The following CBLB variants were observed in gnomAD, a reference collection of about 807,000 sequenced individuals.
CBLB encodes Cbl proto-oncogene B.
In CBLB, 31 loss-of-function variants were observed where a neutral mutation model predicts 104.9. The ratio of observed to expected loss-of-function variants is 0.30; its 90% confidence interval spans 0.22 to 0.40. The LOEUF is 0.40. Ranked by LOEUF, CBLB falls within the 10% of genes least tolerant of loss-of-function variation. The pLI is 1.00. For missense variants in CBLB, 1,062 were observed against 1,214.6 expected (o/e 0.87, Z 1.87); for synonymous variants, 440 against 422.6 (o/e 1.04, Z -0.51).
intron 3 of CBLB, among the ~76,000 whole-genome samples, chr3:105,818,666 G>T (rs538906985): frequency 1.3e-5 from 2 of 152,050 alleles, no homozygotes; most frequent in Non-Finnish European, 2.9e-5. Flanking sequence ...TAATGCAAAT[G>T]CTGTTTACGT....
intron 9 of CBLB, among the ~76,000 whole-genome samples, chr3:105,727,981 C>T (rs1299003219): frequency 6.6e-6 from 1 of 152,148 alleles, no homozygotes; most frequent in East Asian, 1.9e-4. Context: ...TAGCGTGATG[C>T]CTCCAGCTTT....
chr3:105,710,879 CAT>C (rs1327556055), intron 10 of CBLB, among the ~76,000 whole-genome samples: 1 of 151,916 alleles, frequency 6.6e-6, no homozygotes, highest in African/African-American at 2.4e-5. Context: ...GAGAAATCCA[CAT>C]GTTCAATCTT....
intron 3 of CBLB, among the ~76,000 whole-genome samples, chr3:105,784,859 T>C (rs1333668665): frequency 6.6e-6 from 1 of 152,230 alleles, no homozygotes; most frequent in East Asian, 1.9e-4. Context: ...ACACTACTTC[T>C]GTTTTCTCCC....
In CBLB at chr3:105,658,898, T is replaced by A. The variant is rs987694567; in HGVS notation, c.*72A>T. On this transcript the variant is annotated 3_prime_UTR_variant, in exon 19 of 19. Coordinates refer to ENST00000394030, the MANE Select transcript of CBLB (RefSeq NM_170662.5). ...AGACACTTCTCTCTTGAATTCCATC[T>A]CAGTTCTCTTTATTTCCACACTCTT... 3.9e-6 allele frequency: 6 copies of A among 1,523,014 alleles called. 1 individual carries two copies. In the Admixed American group the frequency reaches 1.0e-4, roughly 26 times the overall value. 94.3% of individuals were successfully genotyped at this position (1,523,014 alleles called of 1,614,324 possible).
chr3:105,852,960 G>A (rs1391226669), intron 3 of CBLB, among the ~76,000 whole-genome samples: 3 of 151,902 alleles, frequency 2.0e-5, no homozygotes, highest in East Asian at 3.9e-4. Flanking sequence ...CAAGTGATCC[G>A]CCCACCTCAG....
intron 3 of CBLB, among the ~76,000 whole-genome samples, chr3:105,808,371 CTGTG>C (rs1431030921): frequency 1.3e-5 from 2 of 152,094 alleles, no homozygotes; most frequent in Non-Finnish European, 2.9e-5. Context: ...AAGGACCTGT[CTGTG>C]TATTTGTTTT....
chr3:105,715,828 C>A (rs1033978514), intron 10 of CBLB, among the ~76,000 whole-genome samples: 1 of 152,118 alleles, frequency 6.6e-6, no homozygotes, highest in African/African-American at 2.4e-5. Flanking sequence ...CACTTGAGGT[C>A]AGGAGTTCGA....
chr3:105,738,865 A>G (rs1376738883), intron 7 of CBLB, among the ~76,000 whole-genome samples: 1 of 152,172 alleles, frequency 6.6e-6, no homozygotes, highest in Admixed American at 6.5e-5. Context: ...AACTTGCCAT[A>G]CAATTACTAT....
intron 3 of CBLB, among the ~76,000 whole-genome samples, chr3:105,801,974 A>C (rs2082929300): frequency 6.6e-6 from 1 of 152,228 alleles, no homozygotes; most frequent in Non-Finnish European, 1.5e-5. Flanking sequence ...GCCTTGTTCA[A>C]ATGCGTGAAT....
upstream of CBLB, chr3:105,869,143 G>C (rs558833649): frequency 2.6e-4 from 185 of 699,844 alleles, 1 homozygote; most frequent in African/African-American, 3.5e-3. Flanking sequence ...TGGACGGGAG[G>C]CGCCCGTCCT....
At chr3:105,798,144 T>C (rs2082439315) in intron 3 of CBLB, among the ~76,000 whole-genome samples, 1 of 152,240 alleles carries the variant, frequency 6.6e-6, no homozygotes, top group Non-Finnish European at 1.5e-5. Context: ...GCAAAACATA[T>C]CTACTTTTCA....
At chr3:105,867,284 A>T in intron 2 of CBLB, 126 bp downstream of exon 2, 2 of 992,394 alleles carry the variant, frequency 2.0e-6, no homozygotes, top group Non-Finnish European at 3.2e-6. Flanking sequence ...AAGAAAAATG[A>T]TGAATTGAAA....
At chr3:105,706,798 T>C (rs1289340851) in intron 10 of CBLB, among the ~76,000 whole-genome samples, 6 of 152,218 alleles carry the variant, frequency 3.9e-5, no homozygotes, top group Admixed American at 2.0e-4. Context: ...TTTTTATATA[T>C]AGAAAGAATG....
At chr3:105,776,128 C>A (rs1171553373) in intron 4 of CBLB, among the ~76,000 whole-genome samples, 4 of 152,182 alleles carry the variant, frequency 2.6e-5, no homozygotes, top group Non-Finnish European at 5.9e-5. Context: ...AAGACTCTTA[C>A]ATACCTCTGC....
At chr3:105,667,868 G>A (rs1347364044) in intron 18 of CBLB, among the ~76,000 whole-genome samples, 3 of 152,020 alleles carry the variant, frequency 2.0e-5, no homozygotes, top group African/African-American at 7.2e-5. Context: ...ATCTTAAAAA[G>A]GCCTTAATAA....
chr3:105,833,382 C>G (rs566287689), intron 3 of CBLB, among the ~76,000 whole-genome samples: 54 of 152,282 alleles, frequency 3.5e-4, no homozygotes, highest in African/African-American at 1.3e-3. Context: ...ACAAATATCT[C>G]TCTCTGAGAC....
intron 3 of CBLB, among the ~76,000 whole-genome samples, chr3:105,835,474 T>C (rs1219876891): frequency 6.6e-6 from 1 of 152,208 alleles, no homozygotes. Flanking sequence ...ACCAACTTGA[T>C]ACTGAAGCCC....
At chr3:105,715,776 T>C (rs1167641864) in intron 10 of CBLB, among the ~76,000 whole-genome samples, 4 of 152,154 alleles carry the variant, frequency 2.6e-5, no homozygotes, top group Admixed American at 6.5e-5. Context: ...CGGTGGCTCA[T>C]GCCTGTAATC....
intron 3 of CBLB, among the ~76,000 whole-genome samples, chr3:105,841,518 T>C (rs2089545751): frequency 6.6e-6 from 1 of 151,088 alleles, no homozygotes; most frequent in Admixed American, 6.6e-5. Context: ...AGTGGTGTGA[T>C]CTCGGCTCAC....
Sources: allele counts gnomAD v4.1 joint callset (sites outside exome capture counted in the v4.1 genomes callset), GRCh38; gene constraint gnomAD v4.1.1; transcripts MANE v1.5; gene names NCBI Gene and HGNC (gene_info 2026-07-23, HGNC 2026-07-21).